CASR: variants seen among roughly 807,000 people sequenced by gnomAD.
CASR encodes the protein extracellular calcium-sensing receptor.
CASR carries 23 observed loss-of-function variants against 69.1 expected under a neutral mutation model. The observed-to-expected ratio is 0.33, with a 90% confidence interval of 0.24 to 0.47. CASR has a LOEUF of 0.47. Among genes scored for constraint, CASR ranks in the 20% least tolerant of loss-of-function variants. The probability of loss-of-function intolerance (pLI) is 1.00; values close to 1 mark genes in which losing one functional copy is unlikely to be tolerated. For missense variants in CASR, 924 were observed against 1,356.1 expected, an observed-to-expected ratio of 0.68 and a Z score of 5.00; for synonymous variants, 541 against 544.7, an observed-to-expected ratio of 0.99 and a Z score of 0.10.
At chr3:122,273,095 A>C (rs368683359) in intron 4 of CASR, among the ~76,000 whole-genome samples, 6 of 152,232 alleles carry the variant, frequency 3.9e-5, no homozygotes, top group Admixed American at 3.3e-4. Context: ...GTTGCCTGGC[A>C]TGTTAAGAAC....
intron 1 of CASR, among the ~76,000 whole-genome samples, chr3:122,233,147 C>T (rs2074295522): frequency 6.6e-6 from 1 of 152,202 alleles, no homozygotes; most frequent in Non-Finnish European, 1.5e-5. Flanking sequence ...TTTACCCCTG[C>T]TTCTGACAGC....
chr3:122,284,786 G>A lies in CASR; in HGVS notation c.2832G>A (p.Gln944=). The A allele has an allele frequency of 6.2e-7, 1 of 1,614,154 alleles. No homozygotes were observed. The highest frequency in any genetic ancestry group is 2.2e-5 in the East Asian group (1 of 44,882). Residue 944 remains glutamine (Q), a synonymous_variant, in exon 7 of 7, where the codon CAG becomes CAA. Transcript: ENST00000639785. ...QPLALTQQEQ[Q]QQPLTLPQQQ... is the part of the protein sequence containing the mutation. ...TGGCCCTAACCCAGCAAGAGCAGCAGCAGCAGCCCCTGACCCTCCCACAGC... is the reference window on the plus strand; with the variant it reads ...TGGCCCTAACCCAGCAAGAGCAGCAACAGCAGCCCCTGACCCTCCCACAGC...
At chr3:122,245,031 A>G (rs1559951083) in intron 1 of CASR, among the ~76,000 whole-genome samples, 1 of 152,126 alleles carries the variant, frequency 6.6e-6, no homozygotes, top group Non-Finnish European at 1.5e-5. Context: ...GTGTGTATCT[A>G]TGGAGGATTG....
chr3:122,223,053 G>A (rs112303274), intron 1 of CASR, among the ~76,000 whole-genome samples: 18 of 152,048 alleles, frequency 1.2e-4, no homozygotes, highest in Admixed American at 8.5e-4. Flanking sequence ...CAGAATCTTT[G>A]GGACACAACT....
chr3:122,212,411 T>C (rs2074077539), intron 1 of CASR, among the ~76,000 whole-genome samples: 1 of 152,008 alleles, frequency 6.6e-6, no homozygotes, highest in South Asian at 2.1e-4. Flanking sequence ...CCTGTGGAAG[T>C]TGGGGTCAGG....
intron 1 of CASR, among the ~76,000 whole-genome samples, chr3:122,201,005 A>G (rs6438708): frequency 4.9e-5 from 5 of 102,818 alleles, no homozygotes; most frequent in Non-Finnish European, 1.0e-4. Context: ...TTTTTTTTTT[A>G]TTTTTTTTTT....
intron 1 of CASR, among the ~76,000 whole-genome samples, chr3:122,200,696 A>G (rs1045847807): frequency 6.6e-6 from 1 of 152,174 alleles, no homozygotes; most frequent in Admixed American, 6.5e-5. Context: ...TGTTATCAAT[A>G]TTTTTGTATG....
chr3:122,194,192 C>A (rs72967349), intron 1 of CASR, among the ~76,000 whole-genome samples: 3,202 of 152,274 alleles, frequency 0.021, 110 homozygotes, highest in African/African-American at 0.074. Context: ...AGGTACCAAT[C>A]TAGGCCTTCT....
rs2074524973 is a variant in CASR at position 122,253,950 on chromosome 3, G to A, written c.-240G>A. 1.8e-6 allele frequency: 1 copy of A among 554,728 alleles called. No homozygotes were observed. The highest frequency in any genetic ancestry group is 2.0e-5 in the South Asian group (1 of 49,206). 34.4% of individuals were successfully genotyped at this position (554,728 alleles called of 1,614,324 possible). ...ATTTTGTCTTTCTTTTCTTTTAGAA[G>A]GCATCACAGGAGGCCTCTGCATGAT... On this transcript the variant is annotated splice_region_variant and 5_prime_UTR_variant, in exon 2 of 7. Transcript: ENST00000639785.
intron 4 of CASR, among the ~76,000 whole-genome samples, chr3:122,274,193 AAGTC>A (rs2074790028): frequency 1.3e-5 from 2 of 152,254 alleles, no homozygotes; most frequent in South Asian, 2.1e-4. Context: ...CCTGAGTTGA[AAGTC>A]AGGGCAGTCA....
intron 5 of CASR, 110 bp from the exon 6 acceptor site, chr3:122,282,003 A>G (rs1296933109): frequency 1.3e-6 from 2 of 1,517,672 alleles, no homozygotes; most frequent in Non-Finnish European, 1.8e-6. Flanking sequence ...CGTCTGTCAC[A>G]CTGATTCTTG....
chr3:122,217,396 T>C (rs897000216), intron 1 of CASR, among the ~76,000 whole-genome samples: 1 of 152,128 alleles, frequency 6.6e-6, no homozygotes, highest in Admixed American at 6.5e-5. Context: ...CCACCACGCC[T>C]GGCCAGGAAA....
At chr3:122,188,046 G>A (rs1041012388) in intron 1 of CASR, among the ~76,000 whole-genome samples, 5 of 152,136 alleles carry the variant, frequency 3.3e-5, no homozygotes, top group African/African-American at 1.2e-4. Flanking sequence ...AGGAATTGTT[G>A]GCTATTCATT....
intron 1 of CASR, among the ~76,000 whole-genome samples, chr3:122,202,709 GT>G (rs1164722540): frequency 1.3e-5 from 2 of 151,910 alleles, no homozygotes; most frequent in East Asian, 1.9e-4. Context: ...ACCTTTTGTG[GT>G]TTTTTTGCTA....
At position 122,286,998 on chromosome 3, in the gene CASR, G is replaced by A. The variant is rs1177889273; in HGVS notation, c.*1807G>A. ...ACTGTGAGCAGAAGGTGGTGACTCA[G>A]GATGACCCAAGTGAGGTGCCTGCTC... is the stretch of plus-strand genomic sequence containing the variant. On this transcript the variant is annotated 3_prime_UTR_variant, in exon 7 of 7. Coordinates refer to ENST00000639785, the MANE Select transcript of CASR (RefSeq NM_000388.4). 6.6e-6 allele frequency: 1 copy of A among 152,256 alleles called. No homozygotes were observed. Among genetic ancestry groups the A allele is most frequent in the East Asian group, 1.9e-4 (1 of 5,202 alleles). 9.4% of individuals were successfully genotyped at this position (152,256 alleles called of 1,614,324 possible).
intron 1 of CASR, among the ~76,000 whole-genome samples, chr3:122,230,374 G>T (rs1049232817): frequency 2.6e-5 from 4 of 152,216 alleles, no homozygotes; most frequent in Non-Finnish European, 5.9e-5. Flanking sequence ...CACATCCGGG[G>T]TGAAAATCGA....
intron 1 of CASR, among the ~76,000 whole-genome samples, chr3:122,239,742 G>A (rs2074362592): frequency 6.6e-6 from 1 of 152,212 alleles, no homozygotes; most frequent in Non-Finnish European, 1.5e-5. Flanking sequence ...GTTTGTTTTG[G>A]AGGAAGTAAG....
intron 1 of CASR, among the ~76,000 whole-genome samples, chr3:122,206,219 G>A (rs1474857557): frequency 1.3e-5 from 2 of 151,210 alleles, no homozygotes; most frequent in Non-Finnish European, 3.0e-5. Context: ...GTCATGTATG[G>A]TCTTTATTGT....
chr3:122,233,182 C>T (rs924402828), intron 1 of CASR, among the ~76,000 whole-genome samples: 1 of 152,188 alleles, frequency 6.6e-6, no homozygotes, highest in African/African-American at 2.4e-5. Flanking sequence ...TTCCTTAAAC[C>T]GTCCCCAAAA....
Sources: allele counts gnomAD v4.1 joint callset (sites outside exome capture counted in the v4.1 genomes callset), GRCh38; gene constraint gnomAD v4.1.1; transcripts MANE v1.5; gene names NCBI Gene and HGNC (gene_info 2026-07-23, HGNC 2026-07-21).